REEP3: variants seen among roughly 807,000 people sequenced by gnomAD.
REEP3 encodes receptor accessory protein 3.
A neutral mutation model predicts 41.3 loss-of-function variants in REEP3; 20 were observed. The observed-to-expected ratio is 0.48, with a 90% CI of 0.34 to 0.70. The LOEUF (loss-of-function observed/expected upper bound fraction) is 0.70, where lower values mean the gene tolerates loss of function less well. Among genes scored for constraint, REEP3 ranks in the 30% least tolerant of loss-of-function variants. The probability of loss-of-function intolerance (pLI) is 0.01; values close to 1 mark genes in which losing one functional copy is unlikely to be tolerated. For missense variants in REEP3, 271 were observed against 308.8 expected (o/e 0.88, Z 0.92); for synonymous variants, 104 against 101.8 (o/e 1.02, Z -0.13).
chr10:63,602,432 T>C (rs1037298942), intron 5 of REEP3, among the ~76,000 whole-genome samples: 2 of 152,238 alleles, frequency 1.3e-5, no homozygotes, highest in African/African-American at 4.8e-5. Context: ...CATGTATTTA[T>C]TTACACCCAA....
intron 5 of REEP3, among the ~76,000 whole-genome samples, chr10:63,609,069 C>T (rs945838836): frequency 6.6e-6 from 1 of 152,186 alleles, no homozygotes; most frequent in Non-Finnish European, 1.5e-5. Context: ...TTCTTTGGCT[C>T]TTACATGTTT....
chr10:63,540,020 C>T (rs1423715102), intron 1 of REEP3, among the ~76,000 whole-genome samples: 1 of 152,048 alleles, frequency 6.6e-6, no homozygotes, highest in Non-Finnish European at 1.5e-5. Flanking sequence ...ATTCTCAGTT[C>T]GATTTTCAGT....
At chr10:63,576,832 G>A (rs538488286) in intron 2 of REEP3, among the ~76,000 whole-genome samples, 6 of 152,162 alleles carry the variant, frequency 3.9e-5, no homozygotes, top group Non-Finnish European at 8.8e-5. Context: ...TGTGCACATG[G>A]AGAGAAATAT....
intron 5 of REEP3, among the ~76,000 whole-genome samples, chr10:63,603,138 C>T (rs1428785708): frequency 6.6e-6 from 1 of 151,362 alleles, no homozygotes; most frequent in Non-Finnish European, 1.5e-5. Context: ...ACAGTGAAAC[C>T]CCATCTCTAC....
rs1052410455 is a variant in REEP3 at position 63,621,280 on chromosome 10, A to G, written c.*411A>G. 4 of 153,622 alleles carry G rather than the reference A, an allele frequency of 2.6e-5. No individual in the cohort carries two copies. Among genetic ancestry groups the G allele is most frequent in the Admixed American group, 1.3e-4 (2 of 15,374 alleles). The allele number at this position is 153,622 out of a possible 1,614,324, so 9.5% of individuals were successfully genotyped here. A position where few individuals can be genotyped will look rare whatever the true frequency, so the allele number is the denominator to read the frequency against. On this transcript the variant is annotated 3_prime_UTR_variant, in exon 8 of 8. Coordinates refer to ENST00000373758, the MANE Select transcript of REEP3 (RefSeq NM_001001330.3). ...TATCTGGTAATTAAATAGGCCTCAG[A>G]TTCAGCAGTGACATAACAAGGACAT...
At chr10:63,569,315 G>A (rs1955832137) in intron 2 of REEP3, among the ~76,000 whole-genome samples, 1 of 152,094 alleles carries the variant, frequency 6.6e-6, no homozygotes, top group South Asian at 2.1e-4. Context: ...TCAATGTACA[G>A]TTGAAGTACA....
intron 1 of REEP3, among the ~76,000 whole-genome samples, chr10:63,554,210 T>A (rs1441831097): frequency 6.6e-6 from 1 of 152,016 alleles, no homozygotes; most frequent in Non-Finnish European, 1.5e-5. Flanking sequence ...AGGGGCTAAA[T>A]AAAGTAAACA....
intron 1 of REEP3, among the ~76,000 whole-genome samples, chr10:63,549,773 TAAG>T (rs1160297283): frequency 6.6e-6 from 1 of 151,894 alleles, no homozygotes; most frequent in Non-Finnish European, 1.5e-5. Context: ...AGGGTACAGA[TAAG>T]AAAGGGGAGG....
At chr10:63,563,138 C>G (rs145437858) in intron 1 of REEP3, among the ~76,000 whole-genome samples, 36 of 152,328 alleles carry the variant, frequency 2.4e-4, no homozygotes, top group Non-Finnish European at 4.7e-4. Context: ...GCCTCCAGGA[C>G]TGTGAGAAAG....
intron 3 of REEP3, among the ~76,000 whole-genome samples, chr10:63,596,819 C>T (rs1370344588): frequency 6.6e-6 from 1 of 152,074 alleles, no homozygotes; most frequent in Non-Finnish European, 1.5e-5. Flanking sequence ...GCTCCATTGC[C>T]CAAGCTGGAG....
chr10:63,578,222 C>T (rs747853590), intron 2 of REEP3, among the ~76,000 whole-genome samples: 26 of 152,238 alleles, frequency 1.7e-4, no homozygotes, highest in Non-Finnish European at 3.4e-4. Flanking sequence ...GCCTCAGCCT[C>T]CCGAGTAGCT....
At position 63,606,420 on chromosome 10, in the gene REEP3, C is replaced by CT. The variant is rs58042590; in HGVS notation, c.418-3766dup. ...CCTTTTTTAGAGACAGGGTCTCGCT[C>CT]TATCACCCAGGCTGGAGTGCAGAGT... On this transcript the variant is annotated intron_variant, in intron 5 of 7. Transcript: ENST00000373758. 4.4e-3 allele frequency among the ~76,000 whole-genome samples: 672 copies of CT among 151,922 alleles called. 3 individuals carry two copies. Among genetic ancestry groups the CT allele is most frequent in the African/African-American group, 0.014 (597 of 41,384 alleles).
intron 1 of REEP3, among the ~76,000 whole-genome samples, chr10:63,561,822 A>C (rs1955742605): frequency 6.6e-6 from 1 of 152,204 alleles, no homozygotes; most frequent in Non-Finnish European, 1.5e-5. Context: ...TACTGGGGGA[A>C]GGAGGTATCA....
intron 2 of REEP3, among the ~76,000 whole-genome samples, chr10:63,568,986 C>G (rs1955829206): frequency 6.6e-6 from 1 of 152,116 alleles, no homozygotes; most frequent in Non-Finnish European, 1.5e-5. Context: ...TTGCTATATT[C>G]AGTAACATGA....
At chr10:63,586,626 G>A (rs1475093549) in intron 2 of REEP3, among the ~76,000 whole-genome samples, 1 of 151,648 alleles carries the variant, frequency 6.6e-6, no homozygotes, top group Non-Finnish European at 1.5e-5. Flanking sequence ...CAAATAATTA[G>A]AAAAAAAATG....
intron 1 of REEP3, among the ~76,000 whole-genome samples, chr10:63,545,984 C>A (rs1230626758): frequency 2.0e-5 from 3 of 152,104 alleles, no homozygotes. Context: ...AAGGCATTAG[C>A]CACACAGATT....
chr10:63,567,269 T>C (rs1827964254), intron 2 of REEP3, among the ~76,000 whole-genome samples: 1 of 152,164 alleles, frequency 6.6e-6, no homozygotes, highest in Admixed American at 6.5e-5. Context: ...ATTCACAATA[T>C]TATACATATA....
Position 63,623,215 on chromosome 10 carries a change from C to T in REEP3, c.*2346C>T, listed in dbSNP as rs1192235798. ...CTTCCTCTGATATCTTTCCTTACAT[C>T]ATTATACACTGTTGATATCATTTTA... On this transcript the variant is annotated 3_prime_UTR_variant, in exon 8 of 8. Transcript: ENST00000373758. 2 of 152,174 alleles carry T rather than the reference C, an allele frequency of 1.3e-5. No homozygotes were observed. The highest frequency in any genetic ancestry group is 2.9e-5 in the Non-Finnish European group (2 of 68,026). 9.4% of individuals were successfully genotyped at this position (152,174 alleles called of 1,614,324 possible).
intron 1 of REEP3, among the ~76,000 whole-genome samples, chr10:63,527,987 C>T (rs1206801359): frequency 6.6e-6 from 1 of 151,626 alleles, no homozygotes; most frequent in Non-Finnish European, 1.5e-5. Context: ...ACTCAACGGC[C>T]ACTCCCTTCT....
Sources: gnomAD v4.1 joint callset for allele counts (sites outside exome capture counted in the v4.1 genomes callset) on GRCh38, gnomAD v4.1.1 for gene constraint, MANE v1.5 for transcripts, NCBI Gene and HGNC (gene_info 2026-07-23, HGNC 2026-07-21) for gene names.